Variants in MYO1D observed in about 807,000 individuals in gnomAD.
MYO1D encodes unconventional myosin-Id.
In MYO1D, 83 loss-of-function variants were observed where a neutral mutation model predicts 122.0. The ratio of observed to expected loss-of-function variants is 0.68; its 90% CI spans 0.57 to 0.82. MYO1D has a LOEUF of 0.82. MYO1D is among the 40% of genes least tolerant of loss of function. The pLI, the probability that MYO1D is intolerant of heterozygous loss-of-function variation, is 0.00. For missense variants in MYO1D, 1,157 were observed against 1,269.5 expected (o/e 0.91, Z 1.35); for synonymous variants, 464 against 446.9 (o/e 1.04, Z -0.48).
chr17:32,589,780 A>T (rs567621906), intron 21 of MYO1D, among the ~76,000 whole-genome samples: 24 of 152,312 alleles, frequency 1.6e-4, no homozygotes, highest in Non-Finnish European at 3.2e-4. Flanking sequence ...GCTAATTACT[A>T]AAGGGGTGGC....
intron 21 of MYO1D, among the ~76,000 whole-genome samples, chr17:32,572,571 T>G (rs1362227990): frequency 6.6e-6 from 1 of 152,132 alleles, no homozygotes; most frequent in Non-Finnish European, 1.5e-5. Flanking sequence ...CCAGAGTGAT[T>G]TTTCAGAAAT....
At chr17:32,550,922 C>T (rs1308971753) in intron 21 of MYO1D, among the ~76,000 whole-genome samples, 3 of 151,826 alleles carry the variant, frequency 2.0e-5, no homozygotes, top group Non-Finnish European at 4.4e-5. Context: ...TTACAGGGAG[C>T]TATGATTGTA....
intron 15 of MYO1D, among the ~76,000 whole-genome samples, chr17:32,714,448 A>G (rs1201275744): frequency 3.3e-5 from 5 of 152,020 alleles, no homozygotes; most frequent in Non-Finnish European, 5.9e-5. Context: ...TATGTACCAC[A>G]TTTTCTTTAT....
At chr17:32,785,498 C>G (rs2090284078) in intron 1 of MYO1D, among the ~76,000 whole-genome samples, 1 of 152,304 alleles carries the variant, frequency 6.6e-6, no homozygotes, top group African/African-American at 2.4e-5. Context: ...TCCTATTTCT[C>G]AGGAGAGGTG....
At chr17:32,846,250 C>T (rs1439136690) in intron 1 of MYO1D, among the ~76,000 whole-genome samples, 1 of 152,186 alleles carries the variant, frequency 6.6e-6, no homozygotes, top group Non-Finnish European at 1.5e-5. Flanking sequence ...TGGTCTTAAC[C>T]TCTGAAAGGC....
chr17:32,653,478 T>C (rs2088426499), intron 19 of MYO1D, among the ~76,000 whole-genome samples: 2 of 151,654 alleles, frequency 1.3e-5, no homozygotes, highest in Non-Finnish European at 2.9e-5. Flanking sequence ...TGGTGGTGCA[T>C]GCCTGTAATC....
chr17:32,642,735 T>C (rs986432393), intron 19 of MYO1D, among the ~76,000 whole-genome samples: 1 of 152,174 alleles, frequency 6.6e-6, no homozygotes, highest in Non-Finnish European at 1.5e-5. Flanking sequence ...TGTCTGTTAT[T>C]GGTGTATAAG....
chr17:32,538,100 G>A (rs1296420086), intron 21 of MYO1D, among the ~76,000 whole-genome samples: 1 of 152,054 alleles, frequency 6.6e-6, no homozygotes, highest in Non-Finnish European at 1.5e-5. Flanking sequence ...AGTATAATTG[G>A]CAGTGCTGTT....
At chr17:32,609,603 C>T (rs1249774556) in intron 20 of MYO1D, among the ~76,000 whole-genome samples, 1 of 152,178 alleles carries the variant, frequency 6.6e-6, no homozygotes, top group African/African-American at 2.4e-5. Flanking sequence ...CTCAGACCTG[C>T]AGACTGATGG....
intron 19 of MYO1D, among the ~76,000 whole-genome samples, chr17:32,648,753 G>A (rs181818058): frequency 1.2e-4 from 19 of 152,230 alleles, no homozygotes; most frequent in East Asian, 3.9e-4. Flanking sequence ...TTTTAATTGC[G>A]GTGTGTTTAG....
intron 1 of MYO1D, among the ~76,000 whole-genome samples, chr17:32,825,872 T>C (rs1279164063): frequency 6.6e-6 from 1 of 151,914 alleles, no homozygotes; most frequent in East Asian, 1.9e-4. Flanking sequence ...ATCTCATCTC[T>C]ACCAAACATT....
At position 32,765,049 on chromosome 17, in the gene MYO1D, C is replaced by G; in HGVS notation, c.864G>C (p.Thr288=). ...CTACTTTGCCATTCTCAATAAGAGGCGTGTCACCATCTACTACAAATTTTA... is the reference window on the plus strand; with the variant it reads ...CTACTTTGCCATTCTCAATAAGAGGGGTGTCACCATCTACTACAAATTTTA... ...GNLKFVVDGD[T]PLIENGKVVS... is the part of the protein sequence containing the mutation. Residue 288 remains threonine (T), a synonymous_variant, in exon 8 of 22, where the codon ACG becomes ACC. Coordinates refer to ENST00000318217, the MANE Select transcript of MYO1D (RefSeq NM_015194.3). The G allele has an allele frequency of 6.2e-7, 1 of 1,613,514 alleles. No individual in the cohort carries two copies. The highest frequency in any genetic ancestry group is 8.5e-7 in the Non-Finnish European group (1 of 1,179,648).
intron 16 of MYO1D, among the ~76,000 whole-genome samples, chr17:32,676,351 ATT>A (rs376940405): frequency 7.0e-4 from 93 of 132,398 alleles, no homozygotes; most frequent in Middle Eastern, 7.8e-3. Flanking sequence ...TTGTTTCTCT[ATT>A]TTTTTTTTTT....
chr17:32,558,774 C>T (rs1357343762), intron 21 of MYO1D, among the ~76,000 whole-genome samples: 1 of 152,206 alleles, frequency 6.6e-6, no homozygotes, highest in African/African-American at 2.4e-5. Context: ...CTACATCTGA[C>T]AGGGAGTATA....
chr17:32,500,915 A>G (rs1909296551), intron 21 of MYO1D, among the ~76,000 whole-genome samples: 1 of 151,996 alleles, frequency 6.6e-6, no homozygotes, highest in Non-Finnish European at 1.5e-5. Flanking sequence ...AGGCTGAGGC[A>G]GGAGAATGGC....
intron 14 of MYO1D, 40 bp from the exon 15 acceptor site, chr17:32,721,229 A>G (rs2089507060): frequency 6.3e-7 from 1 of 1,592,800 alleles, no homozygotes; most frequent in African/African-American, 1.3e-5. Flanking sequence ...TTCACTGGAG[A>G]AAATTTCCCA....
chr17:32,837,552 T>C (rs1281999054), intron 1 of MYO1D, among the ~76,000 whole-genome samples: 1 of 152,176 alleles, frequency 6.6e-6, no homozygotes, highest in African/African-American at 2.4e-5. Context: ...AATTAAACAC[T>C]GATAACCAAA....
intron 21 of MYO1D, among the ~76,000 whole-genome samples, chr17:32,553,257 T>C (rs527247405): frequency 6.6e-6 from 1 of 152,234 alleles, no homozygotes; most frequent in South Asian, 2.1e-4. Flanking sequence ...CAAGGTGGCA[T>C]GCTAGCTAGA....
At chr17:32,803,521 A>C (rs760466353) in intron 1 of MYO1D, among the ~76,000 whole-genome samples, 5 of 152,190 alleles carry the variant, frequency 3.3e-5, no homozygotes, top group Non-Finnish European at 7.3e-5. Context: ...AAACCAAACT[A>C]ATGTTTACAA....
Sources: gnomAD v4.1 joint callset for allele counts (sites outside exome capture counted in the v4.1 genomes callset) on GRCh38, gnomAD v4.1.1 for gene constraint, MANE v1.5 for transcripts, NCBI Gene and HGNC (gene_info 2026-07-23, HGNC 2026-07-21) for gene names.